Variants in WWC1 observed in about 807,000 individuals in gnomAD.
WWC1 encodes protein KIBRA.
Under a neutral mutation model 138.4 loss-of-function variants are expected in WWC1, and 55 were observed. The ratio of observed to expected loss-of-function variants is 0.40; its 90% CI spans 0.32 to 0.50. WWC1 has a LOEUF of 0.50. Among genes scored for constraint, WWC1 ranks in the 20% least tolerant of loss-of-function variants. WWC1 has a pLI of 0.72. For missense variants in WWC1, 1,226 were observed against 1,420.4 expected (o/e 0.86, Z 2.20); for synonymous variants, 524 against 564.9 (o/e 0.93, Z 1.03).
intron 1 of WWC1, among the ~76,000 whole-genome samples, chr5:168,346,069 A>C (rs6555802): frequency 0.58 from 87,430 of 151,836 alleles, 26,981 homozygotes; most frequent in East Asian, 0.81. Context: ...ACAGAATCAG[A>C]TGGCCCAGGA....
At chr5:168,466,063 T>C (rs1455038988) in intron 21 of WWC1, among the ~76,000 whole-genome samples, 2 of 152,174 alleles carry the variant, frequency 1.3e-5, no homozygotes, top group Admixed American at 6.5e-5. Context: ...CAGCAGCAGC[T>C]TGGGGTCTCT....
intron 5 of WWC1, 102 bp from the exon 6 acceptor site, chr5:168,406,096 C>A (rs1038593157): frequency 5.0e-6 from 7 of 1,405,056 alleles, no homozygotes; most frequent in Middle Eastern, 2.2e-4. Context: ...GAGGGAGGGG[C>A]CTTCTTAAGG....
chr5:168,361,583 C>T (rs961964841), intron 1 of WWC1, among the ~76,000 whole-genome samples: 14 of 152,146 alleles, frequency 9.2e-5, no homozygotes, highest in African/African-American at 3.1e-4. Flanking sequence ...GAGCCAAGCC[C>T]AGCACCAAGC....
At chr5:168,453,554 T>G (rs1265688782) in intron 17 of WWC1, among the ~76,000 whole-genome samples, 2 of 151,764 alleles carry the variant, frequency 1.3e-5, no homozygotes, top group Admixed American at 6.5e-5. Context: ...CAATCTTTTT[T>G]TTTGTTTTGA....
chr5:168,468,647 C>G (rs1757499486), intron 22 of WWC1, among the ~76,000 whole-genome samples: 1 of 152,150 alleles, frequency 6.6e-6, no homozygotes, highest in Non-Finnish European at 1.5e-5. Context: ...AACTGAGAAG[C>G]CTCTGACTGG....
chr5:168,405,441 C>A (rs113086524), intron 5 of WWC1, among the ~76,000 whole-genome samples: 20 of 152,330 alleles, frequency 1.3e-4, no homozygotes, highest in African/African-American at 4.3e-4. Context: ...CAGACACGTT[C>A]AACTCTGCCT....
intron 6 of WWC1, 143 bp from the exon 7 acceptor site, chr5:168,408,364 C>T: frequency 2.1e-6 from 2 of 968,052 alleles, no homozygotes; most frequent in Non-Finnish European, 3.0e-6. Context: ...TGCTAGCTCT[C>T]TATCACAGGA....
At chr5:168,427,696 G>A (rs535179614) in intron 11 of WWC1, among the ~76,000 whole-genome samples, 1 of 151,434 alleles carries the variant, frequency 6.6e-6, no homozygotes, top group South Asian at 2.1e-4. Flanking sequence ...GCTGACGCCT[G>A]TAATCCCAAC....
At position 168,444,476 on chromosome 5, in the gene WWC1, C is replaced by A; in HGVS notation, c.2434-18C>A. ...ACCTACATTGTACCCAATGACCCAG[C>A]AACCTTTGTCTCTATAGGACGCTGT... On this transcript the variant is annotated intron_variant, in intron 16 of 22. Transcript: ENST00000265293. The A allele has an allele frequency of 1.3e-6, 2 of 1,555,556 alleles. No individual in the cohort carries two copies. The highest frequency in any genetic ancestry group is 1.7e-6 in the Non-Finnish European group (2 of 1,148,666).
chr5:168,389,591 ATTTTTG>A (rs1202091916), intron 3 of WWC1, among the ~76,000 whole-genome samples: 100 of 88,824 alleles, frequency 1.1e-3, no homozygotes, highest in African/African-American at 4.6e-3. Context: ...TAACTATTGA[ATTTTTG>A]TTTTTTTTTT....
intron 1 of WWC1, among the ~76,000 whole-genome samples, chr5:168,311,304 A>T (rs1771054109): frequency 8.9e-6 from 1 of 112,788 alleles, no homozygotes; most frequent in Non-Finnish European, 1.8e-5. Flanking sequence ...AGAGGCCCAT[A>T]CAAGATGGCT....
At chr5:168,368,593 T>C (rs1776503396) in intron 1 of WWC1, among the ~76,000 whole-genome samples, 1 of 152,172 alleles carries the variant, frequency 6.6e-6, no homozygotes, top group Non-Finnish European at 1.5e-5. Flanking sequence ...GGCCTGACCA[T>C]GCCTGTTTCC....
At chr5:168,432,659 G>A (rs1426054239) in intron 15 of WWC1, among the ~76,000 whole-genome samples, 1 of 152,186 alleles carries the variant, frequency 6.6e-6, no homozygotes, top group African/African-American at 2.4e-5. Flanking sequence ...TGTACTGGGA[G>A]CTTGTTGTGT....
At chr5:168,371,355 G>A (rs774007957) in intron 1 of WWC1, 69 bp from the exon 2 acceptor site, 13 of 1,174,040 alleles carry the variant, frequency 1.1e-5, no homozygotes, top group Non-Finnish European at 1.3e-5. Context: ...GGAGGCACAG[G>A]GAAGCAGCAG....
chr5:168,379,682 G>A (rs1777472470), intron 2 of WWC1, among the ~76,000 whole-genome samples: 1 of 152,178 alleles, frequency 6.6e-6, no homozygotes, highest in South Asian at 2.1e-4. Flanking sequence ...TTACAGGCAT[G>A]AGCCACTGCA....
intron 5 of WWC1, among the ~76,000 whole-genome samples, chr5:168,404,056 G>T (rs767616704): frequency 6.6e-6 from 1 of 152,038 alleles, no homozygotes; most frequent in African/African-American, 2.4e-5. Context: ...TCCAGAGGCC[G>T]GGTTGCTAAG....
chr5:168,452,451 A>C (rs919467969), intron 17 of WWC1, among the ~76,000 whole-genome samples: 3 of 152,186 alleles, frequency 2.0e-5, no homozygotes, highest in Admixed American at 6.5e-5. Flanking sequence ...GCATGCACAG[A>C]GGACAGACTG....
At chr5:168,422,211 T>C (rs1470858761) in intron 10 of WWC1, 114 bp downstream of exon 10, 2 of 1,029,682 alleles carry the variant, frequency 1.9e-6, no homozygotes. Context: ...TGAGAGTGGA[T>C]GTTTAGAAGC....
chr5:168,416,916 G>A (rs1276811076), intron 9 of WWC1, among the ~76,000 whole-genome samples: 2 of 152,058 alleles, frequency 1.3e-5, no homozygotes, highest in African/African-American at 4.8e-5. Context: ...CACCCAGGCT[G>A]GAGTGCAGTG....
Sources: gnomAD v4.1 joint callset for allele counts (sites outside exome capture counted in the v4.1 genomes callset) on GRCh38, gnomAD v4.1.1 for gene constraint, MANE v1.5 for transcripts, NCBI Gene and HGNC (gene_info 2026-07-23, HGNC 2026-07-21) for gene names.